The following CLMN variants were observed in gnomAD, a reference collection of about 807,000 sequenced individuals.
The protein encoded by CLMN is calmin (calponin-like, transmembrane).
CLMN carries 57 observed loss-of-function variants against 92.7 expected under a neutral mutation model. That is an observed-to-expected ratio of 0.61 (90% CI 0.50 to 0.77). The LOEUF is 0.77. Ranked by LOEUF, CLMN falls within the 30% of genes least tolerant of loss-of-function variation. CLMN has a pLI of 0.00. For missense variants in CLMN, 1,158 were observed against 1,237.5 expected (o/e 0.94, Z 0.96); for synonymous variants, 466 against 470.6 (o/e 0.99, Z 0.13).
At chr14:95,264,513 C>A (rs1899390986) in intron 1 of CLMN, among the ~76,000 whole-genome samples, 1 of 152,114 alleles carries the variant, frequency 6.6e-6, no homozygotes, top group South Asian at 2.1e-4. Context: ...CAATAAATGG[C>A]TAGTGTGTTT....
chr14:95,194,509 G>A lies in CLMN; in HGVS notation c.2769+27C>T, dbSNP rs1299145776. The A allele has an allele frequency of 1.1e-5, 18 of 1,613,920 alleles. No individual in the cohort carries two copies. The highest frequency in any genetic ancestry group is 6.6e-5 in the South Asian group (6 of 91,082). On this transcript the variant is annotated intron_variant, in intron 11 of 12. Coordinates refer to ENST00000298912, the MANE Select transcript of CLMN (RefSeq NM_024734.4). The surrounding 1 kb of genome is among the most constrained non-coding windows in gnomAD (Gnocchi z 4.0). The stretch of plus-strand genomic sequence containing the variant: ...AGGAATTGATTAGCAGGGGCCGTGC[G>A]GAAAGAGAAGAAATTCACATACTAA...
At position 95,183,146 on chromosome 14, in the gene CLMN, C is replaced by T. The variant is rs1896366773; in HGVS notation, c.*8418G>A. 6.6e-6 allele frequency: 1 copy of T among 152,258 alleles called. No individual in the cohort carries two copies. Among genetic ancestry groups the T allele is most frequent in the Non-Finnish European group, 1.5e-5 (1 of 68,046 alleles). 9.4% of individuals were successfully genotyped at this position (152,258 alleles called of 1,614,324 possible). On this transcript the variant is annotated 3_prime_UTR_variant, in exon 13 of 13. Coordinates refer to ENST00000298912, the MANE Select transcript of CLMN (RefSeq NM_024734.4). Reference sequence around the variant, plus strand: ...CCAACCCAGAGAGGTAAATTCAAGGCATCTGCAGGTGAGCCACAGCTAGGA... The same window carrying T: ...CCAACCCAGAGAGGTAAATTCAAGGTATCTGCAGGTGAGCCACAGCTAGGA...
At chr14:95,245,356 A>C (rs1277584224) in intron 1 of CLMN, among the ~76,000 whole-genome samples, 1 of 140,730 alleles carries the variant, frequency 7.1e-6, no homozygotes, top group Non-Finnish European at 1.5e-5. Flanking sequence ...GAGTATAATA[A>C]TGAACAAGTG....
At position 95,270,411 on chromosome 14, in the gene CLMN, C is replaced by T. The variant is rs182850590; in HGVS notation, c.83-40278G>A. Among the ~76,000 whole-genome samples, 24 of 152,278 alleles carry T rather than the reference C, an allele frequency of 1.6e-4. No individual in the cohort carries two copies. In the East Asian group the frequency reaches 4.4e-3, roughly 28 times the overall value. On this transcript the variant is annotated intron_variant, in intron 1 of 12. Transcript: ENST00000298912. ...TTTTAGAACACACTCACCAAAAATA[C>T]ATTCGATTACCCATTAGCTGTCATT...
At chr14:95,253,197 G>A (rs976974762) in intron 1 of CLMN, among the ~76,000 whole-genome samples, 4 of 152,222 alleles carry the variant, frequency 2.6e-5, no homozygotes, top group Non-Finnish European at 5.9e-5. Context: ...CAAAGGAACT[G>A]AGGAAGGAAG....
chr14:95,246,830 A>G (rs1355866393), intron 1 of CLMN, among the ~76,000 whole-genome samples: 1 of 152,184 alleles, frequency 6.6e-6, no homozygotes, highest in Non-Finnish European at 1.5e-5. Context: ...GCTGAATTAT[A>G]ATAAAACCCA....
Position 95,185,657 on chromosome 14 carries a change from G to A in CLMN, c.*5907C>T, listed in dbSNP as rs1363243092. 1 of 152,140 alleles carries A rather than the reference G, an allele frequency of 6.6e-6. No individual in the cohort carries two copies. The highest frequency in any genetic ancestry group is 1.5e-5 in the Non-Finnish European group (1 of 68,052). The allele number at this position is 152,140 out of a possible 1,614,324, so 9.4% of individuals were successfully genotyped here. ...TGGCTGAGAAGGTCCCGAGATACCA[G>A]GCTGACTGGAAGCTCCCACACAGCC... On this transcript the variant is annotated 3_prime_UTR_variant, in exon 13 of 13. Coordinates refer to ENST00000298912, the MANE Select transcript of CLMN (RefSeq NM_024734.4).
intron 1 of CLMN, among the ~76,000 whole-genome samples, chr14:95,250,912 G>T (rs1898756812): frequency 6.6e-6 from 1 of 152,196 alleles, no homozygotes; most frequent in Non-Finnish European, 1.5e-5. Context: ...GAGCTGGGAG[G>T]GGAGGAGAAT....
chr14:95,271,074 T>C (rs879422606), intron 1 of CLMN, among the ~76,000 whole-genome samples: 3 of 152,216 alleles, frequency 2.0e-5, no homozygotes, highest in Non-Finnish European at 2.9e-5. Flanking sequence ...ATGTTCAACA[T>C]TTTTCATGTG....
chr14:95,282,579 T>G (rs1900181970), intron 1 of CLMN, among the ~76,000 whole-genome samples: 1 of 152,186 alleles, frequency 6.6e-6, no homozygotes, highest in African/African-American at 2.4e-5. Context: ...GAATCCAGTA[T>G]GCAGAGGCCA....
At chr14:95,244,855 C>G (rs537955770) in intron 1 of CLMN, among the ~76,000 whole-genome samples, 36 of 151,860 alleles carry the variant, frequency 2.4e-4, no homozygotes, top group African/African-American at 8.2e-4. Context: ...GGGGCTGCTG[C>G]AAATATTCAG....
intron 1 of CLMN, among the ~76,000 whole-genome samples, chr14:95,278,867 T>C (rs1449399332): frequency 1.3e-5 from 2 of 152,168 alleles, no homozygotes; most frequent in Admixed American, 1.3e-4. Context: ...GGATCCAGTA[T>C]AAAAATGGGG....
At chr14:95,198,658 C>T (rs116796996) in intron 9 of CLMN, among the ~76,000 whole-genome samples, 289 of 152,246 alleles carry the variant, frequency 1.9e-3, no homozygotes, top group African/African-American at 6.5e-3. Flanking sequence ...ACGCTCTCAC[C>T]AAGAGTGAGA....
chr14:95,234,295 C>T (rs1297531182), intron 1 of CLMN, among the ~76,000 whole-genome samples: 1 of 152,224 alleles, frequency 6.6e-6, no homozygotes, highest in Non-Finnish European at 1.5e-5. Flanking sequence ...CCCAGCATTG[C>T]TCTGGTCACC....
intron 1 of CLMN, among the ~76,000 whole-genome samples, chr14:95,250,897 T>A (rs1169306118): frequency 6.6e-6 from 1 of 152,116 alleles, no homozygotes; most frequent in African/African-American, 2.4e-5. Flanking sequence ...CATGTTTGCA[T>A]GTGGGAGCTG....
Position 95,203,578 on chromosome 14 carries a change from GTT to G in CLMN, c.1769_1770del (p.Lys590ThrfsTer2). On this transcript the variant is annotated frameshift_variant, in exon 9 of 13. Transcript: ENST00000298912. LOFTEE classifies it high-confidence loss of function. Reference sequence around the variant, plus strand: ...TCAAAAGCCTCAGCATCCTCGTCAGGTTTTGTCTCATGAGGTGAAGGAACTTT... The same window carrying G: ...TCAAAAGCCTCAGCATCCTCGTCAGGTTGTCTCATGAGGTGAAGGAACTTT... Reference protein sequence around the residue: ...FNKVPSPHETKPDEDAEAFEN... With the variant: ...FNKVPSPHETXPDEDAEAFEN... 1 of 1,614,156 alleles carries G rather than the reference GTT, an allele frequency of 6.2e-7. No individual in the cohort carries two copies. The highest frequency in any genetic ancestry group is 1.1e-5 in the South Asian group (1 of 91,086).
intron 1 of CLMN, among the ~76,000 whole-genome samples, chr14:95,305,231 A>G (rs1164387214): frequency 6.6e-6 from 1 of 152,202 alleles, no homozygotes; most frequent in East Asian, 1.9e-4. Context: ...GGCCTTTGAA[A>G]AAGAGAGAGG....
chr14:95,216,015 C>T (rs1288392300), intron 4 of CLMN, among the ~76,000 whole-genome samples: 1 of 152,088 alleles, frequency 6.6e-6, no homozygotes, highest in Non-Finnish European at 1.5e-5. Context: ...CACAATAAAC[C>T]TATGATGTAG....
chr14:95,215,293 T>C lies in CLMN; in HGVS notation c.417+348A>G, dbSNP rs547752516. 2.0e-5 allele frequency among the ~76,000 whole-genome samples: 3 copies of C among 152,342 alleles called. No individual in the cohort carries two copies. In the East Asian group the frequency reaches 5.8e-4, roughly 29 times the overall value. The stretch of plus-strand genomic sequence containing the variant: ...CTCTTTAATCACCTCTAAGGAACAC[T>C]GAGTGATTTCAGGAAAGTAACTCTA... On this transcript the variant is annotated intron_variant, in intron 5 of 12. Coordinates refer to ENST00000298912, the MANE Select transcript of CLMN (RefSeq NM_024734.4).
Sources: gnomAD v4.1 joint callset for allele counts (sites outside exome capture counted in the v4.1 genomes callset) on GRCh38, gnomAD v4.1.1 for gene constraint, Gnocchi (gnomAD v3.1) non-coding constraint, MANE v1.5 for transcripts, NCBI Gene and HGNC (gene_info 2026-07-23, HGNC 2026-07-21) for gene names.